The following AAK1 variants were observed in gnomAD, a reference collection of about 807,000 sequenced individuals.
The protein encoded by AAK1 is AP2-associated protein kinase 1.
A neutral mutation model predicts 116.0 loss-of-function variants in AAK1; 37 were observed. The ratio of observed to expected loss-of-function variants is 0.32; its 90% CI spans 0.25 to 0.42. The LOEUF (loss-of-function observed/expected upper bound fraction) is 0.42, where lower values mean the gene tolerates loss of function less well. Ranked by LOEUF, AAK1 falls within the 10% of genes least tolerant of loss-of-function variation. The probability of loss-of-function intolerance (pLI) is 1.00; values close to 1 mark genes in which losing one functional copy is unlikely to be tolerated. For missense variants in AAK1, 919 were observed against 1,170.6 expected (o/e 0.79, Z 3.14); for synonymous variants, 458 against 439.9 (o/e 1.04, Z -0.51).
At chr2:69,587,570 A>G (rs1339509902) in intron 2 of AAK1, among the ~76,000 whole-genome samples, 1 of 151,404 alleles carries the variant, frequency 6.6e-6, no homozygotes, top group Non-Finnish European at 1.5e-5. Flanking sequence ...GGTTCAAGTG[A>G]TTCTCCTGTC....
chr2:69,620,709 C>G (rs1382723152), intron 2 of AAK1, among the ~76,000 whole-genome samples: 1 of 152,156 alleles, frequency 6.6e-6, no homozygotes, highest in Non-Finnish European at 1.5e-5. Flanking sequence ...TGATTCTCCT[C>G]CCACCTCGCT....
chr2:69,504,835 A>G (rs1438899399), intron 16 of AAK1, among the ~76,000 whole-genome samples: 2 of 152,214 alleles, frequency 1.3e-5, no homozygotes, highest in East Asian at 1.9e-4. Flanking sequence ...ATTCACAAAG[A>G]TATCTGTGAC....
chr2:69,542,510 G>C lies in AAK1; in HGVS notation c.534+13C>G, dbSNP rs374990657. 6.8e-6 allele frequency: 11 copies of C among 1,613,558 alleles called. No individual in the cohort carries two copies. In the African/African-American group the frequency reaches 1.5e-4, roughly 22 times the overall value. On this transcript the variant is annotated intron_variant, in intron 5 of 21. Coordinates refer to ENST00000409085, the MANE Select transcript of AAK1 (RefSeq NM_014911.5). ...TGAGTAGAATGCCCGTAATGAAAGAGTGTGGTCTGTACCTTCAGGTCCCGG... is the reference window on the plus strand; with the variant it reads ...TGAGTAGAATGCCCGTAATGAAAGACTGTGGTCTGTACCTTCAGGTCCCGG...
chr2:69,620,162 G>C (rs1674531881), intron 2 of AAK1, among the ~76,000 whole-genome samples: 1 of 152,188 alleles, frequency 6.6e-6, no homozygotes. Flanking sequence ...GTAAGAAGTG[G>C]TTGGACCTTG....
rs774495090 is a variant in AAK1, at chr2:69,505,634, A to G, written c.2204T>C (p.Leu735Ser). 1 of 1,613,758 alleles carries G rather than the reference A, an allele frequency of 6.2e-7. No individual in the cohort carries two copies. The highest frequency in any genetic ancestry group is 8.5e-7 in the Non-Finnish European group (1 of 1,179,756). The change falls in exon 16 of 22, where the codon TTG becomes TCG. Residue 735 changes from leucine (L) to serine (S), a missense_variant. Transcript: ENST00000409085. ...TTGGGTTGATTGAAAGCCTGGGATC[A>G]AACTCTCAGCTGAGCCTCCAAGCTT... ...PEKLGGSAESLIPGFQSTQGD... is the reference protein window; with the variant it reads ...PEKLGGSAESSIPGFQSTQGD...
intron 7 of AAK1, 76 bp downstream of exon 7, chr2:69,530,549 C>T: frequency 8.1e-7 from 1 of 1,231,824 alleles, no homozygotes; most frequent in Non-Finnish European, 1.2e-6. Flanking sequence ...TGCTATAGCG[C>T]TGTGTGCATT....
intron 2 of AAK1, chr2:69,595,054 A>C (rs1343304936): frequency 1.4e-6 from 1 of 731,912 alleles, no homozygotes; most frequent in African/African-American, 1.7e-5. Flanking sequence ...AGGAACGTTC[A>C]CCATGTTTGC....
At chr2:69,552,665 T>C (rs913179520) in intron 3 of AAK1, among the ~76,000 whole-genome samples, 2 of 151,892 alleles carry the variant, frequency 1.3e-5, no homozygotes, top group Non-Finnish European at 2.9e-5. Context: ...GAGCCGGGAT[T>C]GCACCACTGC....
chr2:69,551,311 G>C (rs1671174465), intron 3 of AAK1, among the ~76,000 whole-genome samples: 1 of 151,984 alleles, frequency 6.6e-6, no homozygotes, highest in South Asian at 2.1e-4. Flanking sequence ...CTAGGTGATG[G>C]GTTGTTATGT....
At chr2:69,518,489 G>A (rs1310786604) in intron 12 of AAK1, among the ~76,000 whole-genome samples, 1 of 148,308 alleles carries the variant, frequency 6.7e-6, no homozygotes, top group Non-Finnish European at 1.5e-5. Context: ...GCACGATCTC[G>A]GCTCACTGAA....
chr2:69,472,536 T>C lies in AAK1; in HGVS notation c.*3333A>G, dbSNP rs1674714750. 3.4e-6 allele frequency: 3 copies of C among 875,384 alleles called. No individual in the cohort carries two copies. Among genetic ancestry groups the C allele is most frequent in the Non-Finnish European group, 4.1e-6 (3 of 729,568 alleles). 54.2% of individuals were successfully genotyped at this position (875,384 alleles called of 1,614,324 possible). On this transcript the variant is annotated 3_prime_UTR_variant, in exon 22 of 22. Coordinates refer to ENST00000409085, the MANE Select transcript of AAK1 (RefSeq NM_014911.5). ...TTAATTAGATGTCAAAATTCTGATA[T>C]GTCTGCTAAAGAAATCATTAATTAT...
At chr2:69,640,008 C>A (rs1338635611) in intron 2 of AAK1, among the ~76,000 whole-genome samples, 1 of 146,432 alleles carries the variant, frequency 6.8e-6, no homozygotes, top group Non-Finnish European at 1.5e-5. Flanking sequence ...GCTCCCACTC[C>A]CCTTTAACAC....
At chr2:69,617,885 G>A (rs1289478576) in intron 2 of AAK1, among the ~76,000 whole-genome samples, 2 of 152,184 alleles carry the variant, frequency 1.3e-5, no homozygotes, top group African/African-American at 4.8e-5. Flanking sequence ...CCAACTCAAA[G>A]ATTAGGCTTT....
intron 2 of AAK1, among the ~76,000 whole-genome samples, chr2:69,590,314 C>T (rs1307461586): frequency 4.6e-5 from 7 of 152,332 alleles, no homozygotes; most frequent in Non-Finnish European, 7.3e-5. Flanking sequence ...AAGCCCTTTC[C>T]GTAGCAGCAG....
In AAK1 at chr2:69,514,688, T is replaced by C. The variant is rs1419335937; in HGVS notation, c.1559A>G (p.Gln520Arg). The change falls in exon 13 of 22, where the codon CAA becomes CGA. Residue 520 changes from glutamine (Q) to arginine (R), a missense_variant. Gln to Arg is a conservative substitution (Grantham distance 43). This residue lies in a region of AAK1 where 214 missense variants were observed against 210.6 expected (regional missense o/e 1.02). Transcript: ENST00000409085. ...PAIAQFPVVSQGGSQQQLMQN... is the reference protein window; with the variant it reads ...PAIAQFPVVSRGGSQQQLMQN... ...CATTAGCTGCTGTTGAGAGCCTCCT[T>C]GGGACACCACAGGGAACTGAGCAAT... 1.2e-5 allele frequency: 20 copies of C among 1,613,408 alleles called. No homozygotes were observed. The highest frequency in any genetic ancestry group is 1.6e-5 in the Non-Finnish European group (19 of 1,179,706).
At chr2:69,550,914 C>T (rs1671153717) in intron 3 of AAK1, among the ~76,000 whole-genome samples, 1 of 152,190 alleles carries the variant, frequency 6.6e-6, no homozygotes. Flanking sequence ...CAGTGCCCAG[C>T]CGTCATTCAT....
chr2:69,598,850 G>T, intron 2 of AAK1: 1 of 257,442 alleles, frequency 3.9e-6, no homozygotes. Context: ...AGTTGATGTG[G>T]ATGTCTGTCA....
chr2:69,468,025 A>T lies in AAK1; in HGVS notation c.*7844T>A. ...TTTATTTTCCTTTCTAACAGTTTGA[A>T]TGCGTTCAGTGAATTCCAGATTGGG... is the stretch of plus-strand genomic sequence containing the variant. On this transcript the variant is annotated 3_prime_UTR_variant, in exon 22 of 22. Coordinates refer to ENST00000409085, the MANE Select transcript of AAK1 (RefSeq NM_014911.5). The T allele has an allele frequency of 2.0e-6, 2 of 985,462 alleles. No homozygotes were observed. The highest frequency in any genetic ancestry group is 2.4e-6 in the Non-Finnish European group (2 of 829,928). The allele number at this position is 985,462 out of a possible 1,614,324, so 61.0% of individuals were successfully genotyped here. A position where few individuals can be genotyped will look rare whatever the true frequency, so the allele number is the denominator to read the frequency against.
intron 2 of AAK1, among the ~76,000 whole-genome samples, chr2:69,596,138 G>A (rs758077801): frequency 3.9e-5 from 6 of 152,110 alleles, no homozygotes; most frequent in East Asian, 1.9e-4. Flanking sequence ...GAGCTCTGAC[G>A]GAGATGCACA....
Sources: gnomAD v4.1 joint callset for allele counts (sites outside exome capture counted in the v4.1 genomes callset) on GRCh38, gnomAD v4.1.1 for gene constraint, gnomAD v4.1.1 regional missense constraint, MANE v1.5 for transcripts, NCBI Gene and HGNC (gene_info 2026-07-23, HGNC 2026-07-21) for gene names.